The following DNAJB12 variants were observed in gnomAD, a reference collection of about 807,000 sequenced individuals.
DNAJB12 encodes the protein DnaJ heat shock protein family (Hsp40) member B12.
DNAJB12 carries 14 observed loss-of-function variants against 40.6 expected under a neutral mutation model. That is an observed-to-expected ratio of 0.34 (90% CI 0.23 to 0.54). The LOEUF (loss-of-function observed/expected upper bound fraction) is 0.54. DNAJB12 is among the 20% of genes least tolerant of loss of function. The pLI, the probability that DNAJB12 is intolerant of heterozygous loss-of-function variation, is 0.92. For missense variants in DNAJB12, 444 were observed against 501.7 expected, an observed-to-expected ratio of 0.89 and a Z score of 1.10; for synonymous variants, 181 against 199.5, an observed-to-expected ratio of 0.91 and a Z score of 0.78.
Position 72,333,107 on chromosome 10 carries a change from A to G in DNAJB12, c.*1541T>C, listed in dbSNP as rs911351760. On this transcript the variant is annotated 3_prime_UTR_variant, in exon 9 of 9. Transcript: ENST00000444643. Reference sequence around the variant, plus strand: ...ACCTTGTTTAAAAACCAGATTTGACATTTCCTTACCGAACTTCCTTTCCCA... The same window carrying G: ...ACCTTGTTTAAAAACCAGATTTGACGTTTCCTTACCGAACTTCCTTTCCCA... 6.6e-6 allele frequency: 1 copy of G among 152,178 alleles called. No individual in the cohort carries two copies. Among genetic ancestry groups the G allele is most frequent in the Admixed American group, 6.6e-5 (1 of 15,252 alleles). 9.4% of individuals were successfully genotyped at this position (152,178 alleles called of 1,614,324 possible).
intron 1 of DNAJB12, chr10:72,354,514 T>A: frequency 2.1e-6 from 1 of 486,136 alleles, no homozygotes; most frequent in Non-Finnish European, 3.7e-6. Context: ...CTCGGAGACC[T>A]CAAACCCCAG....
chr10:72,340,608 G>A (rs1485407076), intron 5 of DNAJB12, among the ~76,000 whole-genome samples, 181 bp downstream of exon 5: 6 of 152,154 alleles, frequency 3.9e-5, no homozygotes, highest in East Asian at 3.9e-4. Context: ...CTCGTGTGGC[G>A]CCCTCTGGTG....
At position 72,336,079 on chromosome 10, in the gene DNAJB12, A is replaced by C. The variant is rs1589122406; in HGVS notation, c.1007-148T>G. On this transcript the variant is annotated intron_variant, in intron 7 of 8. Transcript: ENST00000444643. Reference sequence around the variant, plus strand: ...CCTCCCATTAGGAAGACCATGGAGGAGCAGAGACTACAGTCCTTATGTGGG... The same window carrying C: ...CCTCCCATTAGGAAGACCATGGAGGCGCAGAGACTACAGTCCTTATGTGGG... The C allele has an allele frequency of 7.4e-5, 74 of 993,824 alleles. No individual in the cohort carries two copies. The East Asian group carries it at 1.7e-3, about 23-fold the overall frequency. 61.6% of individuals were successfully genotyped at this position (993,824 alleles called of 1,614,324 possible).
chr10:72,343,769 G>A (rs1470024900), intron 2 of DNAJB12, among the ~76,000 whole-genome samples: 1 of 152,094 alleles, frequency 6.6e-6, no homozygotes, highest in East Asian at 1.9e-4. Context: ...GGGCATCTGT[G>A]GGGTTCGCCA....
At position 72,335,599 on chromosome 10, in the gene DNAJB12, C is replaced by T. The variant is rs767571950; in HGVS notation, c.*30+181G>A. On this transcript the variant is annotated intron_variant, in intron 8 of 8. Coordinates refer to ENST00000444643, the MANE Select transcript of DNAJB12 (RefSeq NM_017626.7). The surrounding 1 kb of genome is among the most constrained non-coding windows in gnomAD (Gnocchi z 4.4). Reference sequence around the variant, plus strand: ...GACAGCATCGCTAGAGGGCGGAAACCGACCTTGGTTTCCCAGCAGGCCCCA... The same window carrying T: ...GACAGCATCGCTAGAGGGCGGAAACTGACCTTGGTTTCCCAGCAGGCCCCA... The T allele has an allele frequency of 1.0e-5, 14 of 1,387,882 alleles. No individual in the cohort carries two copies. The highest frequency in any genetic ancestry group is 2.9e-5 in the African/African-American group (2 of 68,324). 86.0% of individuals were successfully genotyped at this position (1,387,882 alleles called of 1,614,324 possible). A position where few individuals can be genotyped will look rare whatever the true frequency, so the allele number is the denominator to read the frequency against.
chr10:72,347,175 G>C (rs536805219), intron 1 of DNAJB12, among the ~76,000 whole-genome samples: 6 of 152,098 alleles, frequency 3.9e-5, no homozygotes, highest in Admixed American at 6.5e-5. Flanking sequence ...TGGCCAGGCT[G>C]GTTTCGAACT....
chr10:72,349,783 G>A lies in DNAJB12; in HGVS notation c.134-4656C>T, dbSNP rs150431479. Among the ~76,000 whole-genome samples the A allele has an allele frequency of 1.9e-3, 294 of 152,300 alleles. 2 individuals are homozygous for A. The highest frequency in any genetic ancestry group is 3.0e-3 in the Non-Finnish European group (202 of 68,016). On this transcript the variant is annotated intron_variant, in intron 1 of 8. Transcript: ENST00000444643. The stretch of plus-strand genomic sequence containing the variant: ...CTCTAATTTCCCTACAGTACAGAAA[G>A]AGAGCCCAAAGGAGAATGGGGGTGC...
At position 72,334,553 on chromosome 10, in the gene DNAJB12, C is replaced by G; in HGVS notation, c.*95G>C. 6.5e-7 allele frequency: 1 copy of G among 1,535,488 alleles called. No individual in the cohort carries two copies. The stretch of plus-strand genomic sequence containing the variant: ...TTTTGTTTCTTTGTTTGTCTTTCCT[C>G]AAATATACAGTCCATCACCTTGGCT... On this transcript the variant is annotated 3_prime_UTR_variant, in exon 9 of 9. Transcript: ENST00000444643.
Position 72,335,070 on chromosome 10 carries a change from T to C in DNAJB12, c.*31-453A>G, listed in dbSNP as rs1861431944. 1.0e-6 allele frequency: 1 copy of C among 998,056 alleles called. No homozygotes were observed. The highest frequency in any genetic ancestry group is 1.2e-6 in the Non-Finnish European group (1 of 837,736). 61.8% of individuals were successfully genotyped at this position (998,056 alleles called of 1,614,324 possible). A position where few individuals can be genotyped will look rare whatever the true frequency, so the allele number is the denominator to read the frequency against. ...GTCTGACCCTGAACTCATGACCTTC[T>C]GTTCCCTTCCTCAGACCGCAGGCGA... On this transcript the variant is annotated intron_variant, in intron 8 of 8. Coordinates refer to ENST00000444643, the MANE Select transcript of DNAJB12 (RefSeq NM_017626.7). The surrounding 1 kb of genome is among the most constrained non-coding windows in gnomAD (Gnocchi z 4.4).
Position 72,336,644 on chromosome 10 carries a change from A to G in DNAJB12, c.886T>C (p.Tyr296His), listed in dbSNP as rs1861485432. 1 of 1,614,096 alleles carries G rather than the reference A, an allele frequency of 6.2e-7. No individual in the cohort carries two copies. The highest frequency in any genetic ancestry group is 8.5e-7 in the Non-Finnish European group (1 of 1,179,962). ...RVTDHLGVVYYVGDTFSEEYT... is the reference protein window; with the variant it reads ...RVTDHLGVVYHVGDTFSEEYT... The stretch of plus-strand genomic sequence containing the variant: ...TCTTCGGAGAAAGTGTCTCCCACAT[A>G]GTAGACGACACCCAGGTGGTCAGTG... The change falls in exon 7 of 9, where the codon TAT (tyrosine) becomes CAT (histidine). Residue 296 changes from tyrosine (Y) to histidine (H), a missense_variant. Physicochemically the swap from Tyr to His is moderately conservative, Grantham distance 83 (BLOSUM62 2). Transcript: ENST00000444643.
chr10:72,341,522 G>C (rs1384950422), intron 3 of DNAJB12, among the ~76,000 whole-genome samples: 1 of 152,170 alleles, frequency 6.6e-6, no homozygotes, highest in African/African-American at 2.4e-5. Context: ...CCCAAGCTGA[G>C]TGCAGTGGAG....
At position 72,334,586 on chromosome 10, in the gene DNAJB12, T is replaced by A. The variant is rs1341052857; in HGVS notation, c.*62A>T. The A allele has an allele frequency of 3.3e-6, 5 of 1,533,696 alleles. No homozygotes were observed. In the African/African-American group the frequency reaches 6.9e-5, roughly 21 times the overall value. On this transcript the variant is annotated 3_prime_UTR_variant, in exon 9 of 9. Transcript: ENST00000444643. The stretch of plus-strand genomic sequence containing the variant: ...CAGTCCATCACCTTGGCTCAGTGCA[T>A]GTCACCAAAAATTCTCCAGGGATTT...
intron 3 of DNAJB12, among the ~76,000 whole-genome samples, 157 bp from the exon 4 acceptor site, chr10:72,341,327 G>A (rs1861634454): frequency 6.6e-6 from 1 of 152,148 alleles, no homozygotes; most frequent in Admixed American, 6.5e-5. Flanking sequence ...GTAAGGAGGG[G>A]GCATGCAGGA....
intron 1 of DNAJB12, among the ~76,000 whole-genome samples, chr10:72,346,322 CCTGG>C (rs1289702297): frequency 6.6e-6 from 1 of 150,500 alleles, no homozygotes; most frequent in Non-Finnish European, 1.5e-5. Flanking sequence ...TGCCACCACG[CCTGG>C]CTAATTTTTT....
chr10:72,354,578 C>G (rs1862015999), intron 1 of DNAJB12, among the ~76,000 whole-genome samples, 187 bp downstream of exon 1: 1 of 152,360 alleles, frequency 6.6e-6, no homozygotes, highest in Middle Eastern at 3.4e-3. Context: ...AGTCTCCAGA[C>G]GGCTCGCATC....
intron 5 of DNAJB12, 125 bp downstream of exon 5, chr10:72,340,662 TGA>T (rs1041247416): frequency 1.0e-5 from 10 of 954,316 alleles, no homozygotes; most frequent in South Asian, 1.5e-5. Flanking sequence ...GCTCCTTGGC[TGA>T]GAGTTATGGG....
rs1476779354 is a variant in DNAJB12, at chr10:72,332,921, T to A, written c.*1727A>T. On this transcript the variant is annotated 3_prime_UTR_variant, in exon 9 of 9. Transcript: ENST00000444643. ...CTTCCAGAGGATCCTTTAGGATCTA[T>A]GTTCTTATTGCACATGGCTCAGCCC... The A allele has an allele frequency of 6.5e-6, 1 of 152,700 alleles. No homozygotes were observed. The highest frequency in any genetic ancestry group is 1.5e-5 in the Non-Finnish European group (1 of 68,060). The allele number at this position is 152,700 out of a possible 1,614,324, so 9.5% of individuals were successfully genotyped here. A position where few individuals can be genotyped will look rare whatever the true frequency, so the allele number is the denominator to read the frequency against.
intron 5 of DNAJB12, among the ~76,000 whole-genome samples, chr10:72,338,720 A>G (rs1861546450): frequency 1.3e-5 from 2 of 151,836 alleles, no homozygotes; most frequent in African/African-American, 4.8e-5. Flanking sequence ...TGTAATCCCA[A>G]CACTTTGGGA....
At position 72,342,361 on chromosome 10, in the gene DNAJB12, G is replaced by A. The variant is rs114901254; in HGVS notation, c.457+1005C>T. Among the ~76,000 whole-genome samples, 812 of 152,320 alleles carry A rather than the reference G, an allele frequency of 5.3e-3. 6 individuals carry two copies. The highest frequency in any genetic ancestry group is 0.017 in the African/African-American group (722 of 41,572). ...ATCTGATTCCCATCCTGAAACCCCC[G>A]GGAATAAGGAGCGCGGAATCGTCTC... On this transcript the variant is annotated intron_variant, in intron 3 of 8. Transcript: ENST00000444643.
Sources: gnomAD v4.1 joint callset for allele counts (sites outside exome capture counted in the v4.1 genomes callset) on GRCh38, gnomAD v4.1.1 for gene constraint, Gnocchi (gnomAD v3.1) non-coding constraint, MANE v1.5 for transcripts, NCBI Gene and HGNC (gene_info 2026-07-23, HGNC 2026-07-21) for gene names.